The following RAD54L2 variants were observed in gnomAD, a reference collection of about 807,000 sequenced individuals.
The protein encoded by RAD54L2 is helicase ARIP4.
A neutral mutation model predicts 138.4 loss-of-function variants in RAD54L2; 27 were observed. The ratio of observed to expected loss-of-function variants is 0.20; its 90% CI spans 0.14 to 0.27. RAD54L2 has a LOEUF of 0.27. RAD54L2 is among the 10% of genes least tolerant of loss of function. RAD54L2 has a pLI of 1.00. For synonymous variants in RAD54L2, 644 were observed against 723.2 expected (o/e 0.89, Z 1.76); for missense variants, 1,396 against 1,890.2 (o/e 0.74, Z 4.85).
At chr3:51,644,520 G>A (rs1701221865) in intron 16 of RAD54L2, among the ~76,000 whole-genome samples, 1 of 152,206 alleles carries the variant, frequency 6.6e-6, no homozygotes, top group Non-Finnish European at 1.5e-5. Context: ...TCTCAGGAGT[G>A]TTATGAGGCT....
chr3:51,561,372 A>C (rs1010528957), intron 2 of RAD54L2, among the ~76,000 whole-genome samples: 1 of 152,020 alleles, frequency 6.6e-6, no homozygotes, highest in Non-Finnish European at 1.5e-5. Context: ...CAGCCTCCCA[A>C]GTAGCTGGGA....
intron 2 of RAD54L2, among the ~76,000 whole-genome samples, chr3:51,561,566 CTT>C (rs1331227331): frequency 4.2e-5 from 6 of 143,798 alleles, no homozygotes; most frequent in Admixed American, 7.0e-5. Flanking sequence ...TTATCTTTTT[CTT>C]TTTTTTTTTT....
intron 2 of RAD54L2, among the ~76,000 whole-genome samples, chr3:51,552,403 C>T (rs1206604448): frequency 6.6e-6 from 1 of 150,948 alleles, no homozygotes; most frequent in African/African-American, 2.4e-5. Context: ...GGTGGGACTA[C>T]AGGCACCCGC....
chr3:51,644,796 G>A (rs1238733131), intron 16 of RAD54L2, among the ~76,000 whole-genome samples: 1 of 152,180 alleles, frequency 6.6e-6, no homozygotes, highest in African/African-American at 2.4e-5. Flanking sequence ...ACAGAGGAGA[G>A]TGAGTTTTGT....
At chr3:51,574,116 A>C (rs1699407056) in intron 2 of RAD54L2, among the ~76,000 whole-genome samples, 1 of 151,002 alleles carries the variant, frequency 6.6e-6, no homozygotes, top group Non-Finnish European at 1.5e-5. Flanking sequence ...TGTACTTGTG[A>C]TAGTTTGCTC....
At chr3:51,572,501 C>G (rs1227254783) in intron 2 of RAD54L2, among the ~76,000 whole-genome samples, 1 of 150,956 alleles carries the variant, frequency 6.6e-6, no homozygotes, top group African/African-American at 2.4e-5. Flanking sequence ...GCCTGTAATC[C>G]CAGCTACTTG....
Position 51,663,883 on chromosome 3 carries a change from G to A in RAD54L2, c.*463G>A, listed in dbSNP as rs1342059104. 6.1e-6 allele frequency: 1 copy of A among 164,774 alleles called. No individual in the cohort carries two copies. The highest frequency in any genetic ancestry group is 2.4e-5 in the African/African-American group (1 of 41,260). 10.2% of individuals were successfully genotyped at this position (164,774 alleles called of 1,614,324 possible). On this transcript the variant is annotated 3_prime_UTR_variant, in exon 23 of 23. Coordinates refer to ENST00000684192, the MANE Select transcript of RAD54L2 (RefSeq NM_015106.4). ...GGAGGGTGGGTAGGGGGAGCAGACT[G>A]TGATCCCATGTGAAGTGGGGTCTTT...
rs1193192082 is a variant in RAD54L2, at chr3:51,637,083, G to A, written c.1340-78G>A. On this transcript the variant is annotated intron_variant, in intron 10 of 22. Coordinates refer to ENST00000684192, the MANE Select transcript of RAD54L2 (RefSeq NM_015106.4). This position sits in a 1 kb window ranked among gnomAD's most constrained non-coding sequence, Gnocchi z 5.9. ...CTTCATTTCTTCTGTCTCCTCCAGGGTGCACCCCTACTTCTCATATTATTG... is the reference window on the plus strand; with the variant it reads ...CTTCATTTCTTCTGTCTCCTCCAGGATGCACCCCTACTTCTCATATTATTG... 2 of 1,252,912 alleles carry A rather than the reference G, an allele frequency of 1.6e-6. No individual in the cohort carries two copies. The highest frequency in any genetic ancestry group is 1.1e-6 in the Non-Finnish European group (1 of 884,438). 77.6% of individuals were successfully genotyped at this position (1,252,912 alleles called of 1,614,324 possible). A position where few individuals can be genotyped will look rare whatever the true frequency, so the allele number is the denominator to read the frequency against.
At chr3:51,611,481 A>T (rs1157163390) in intron 3 of RAD54L2, 1 of 151,998 alleles carries the variant, frequency 6.6e-6, no homozygotes, top group Non-Finnish European at 1.5e-5. Context: ...GCTTTGCCTT[A>T]ACTGTATGTG....
intron 12 of RAD54L2, 74 bp from the exon 13 acceptor site, chr3:51,639,345 T>C (rs905914321): frequency 3.3e-6 from 5 of 1,533,326 alleles, no homozygotes; most frequent in Non-Finnish European, 4.4e-6. Flanking sequence ...AGCAAGTATG[T>C]GTTTCCAGAC....
chr3:51,574,082 G>A (rs1699406135), intron 2 of RAD54L2, among the ~76,000 whole-genome samples: 1 of 148,174 alleles, frequency 6.7e-6, no homozygotes, highest in South Asian at 2.1e-4. Flanking sequence ...ACCCATGAGC[G>A]AGAACATGCG....
In RAD54L2 at chr3:51,638,567, C is replaced by T. The variant is rs941225553; in HGVS notation, c.1860+246C>T. The T allele has an allele frequency of 4.9e-6, 2 of 410,884 alleles. No individual in the cohort carries two copies. The highest frequency in any genetic ancestry group is 3.9e-5 in the Admixed American group (1 of 25,700). The allele number at this position is 410,884 out of a possible 1,614,324, so 25.5% of individuals were successfully genotyped here. On this transcript the variant is annotated intron_variant, in intron 12 of 22. Coordinates refer to ENST00000684192, the MANE Select transcript of RAD54L2 (RefSeq NM_015106.4). The surrounding 1 kb of genome is among the most constrained non-coding windows in gnomAD (Gnocchi z 4.3). ...CCCCCTGCAGTGTGCAACTCAGCTG[C>T]ACAACTTGTTATTCCAAGGGGATTA...
intron 21 of RAD54L2, 130 bp from the exon 22 acceptor site, chr3:51,659,896 C>A: frequency 1.8e-6 from 1 of 564,338 alleles, no homozygotes; most frequent in Non-Finnish European, 3.2e-6. Context: ...CTTCTTATTT[C>A]AGGGGTCTTG....
chr3:51,539,309 C>T (rs1553670816), intron 1 of RAD54L2, among the ~76,000 whole-genome samples: 3 of 152,152 alleles, frequency 2.0e-5, no homozygotes, highest in Non-Finnish European at 4.4e-5. Context: ...TGTGTCTAAT[C>T]CCTAAGGCGC....
chr3:51,642,273 A>T (rs1381185480), intron 15 of RAD54L2, among the ~76,000 whole-genome samples: 1 of 152,078 alleles, frequency 6.6e-6, no homozygotes, highest in East Asian at 1.9e-4. Context: ...GATCAGAGTG[A>T]ACACAAGCCT....
At chr3:51,549,154 C>A (rs1698773926) in intron 2 of RAD54L2, among the ~76,000 whole-genome samples, 3 of 152,088 alleles carry the variant, frequency 2.0e-5, no homozygotes, top group Admixed American at 2.0e-4. Context: ...CCACCACGCC[C>A]AGCAAATTTT....
chr3:51,615,001 A>ATATTT (rs1187945864), intron 3 of RAD54L2, among the ~76,000 whole-genome samples: 35 of 151,268 alleles, frequency 2.3e-4, no homozygotes, highest in Admixed American at 4.6e-4. Context: ...TAATTAATTA[A>ATATTT]TATTTTATTT....
intron 2 of RAD54L2, among the ~76,000 whole-genome samples, chr3:51,582,282 A>G (rs1577402254): frequency 6.6e-6 from 1 of 152,206 alleles, no homozygotes; most frequent in Non-Finnish European, 1.5e-5. Context: ...AACATCCTAC[A>G]TACACAGAAG....
chr3:51,602,801 T>A (rs1700105121), intron 3 of RAD54L2, among the ~76,000 whole-genome samples: 1 of 152,062 alleles, frequency 6.6e-6, no homozygotes, highest in South Asian at 2.1e-4. Context: ...TAGAGATAAA[T>A]GGTAAACAAG....
Sources: gnomAD v4.1 joint callset for allele counts (sites outside exome capture counted in the v4.1 genomes callset) on GRCh38, gnomAD v4.1.1 for gene constraint, Gnocchi (gnomAD v3.1) non-coding constraint, MANE v1.5 for transcripts, NCBI Gene and HGNC (gene_info 2026-07-23, HGNC 2026-07-21) for gene names.